The following KCNIP4 variants were observed in gnomAD, a reference collection of about 807,000 sequenced individuals.
The protein encoded by KCNIP4 is potassium voltage-gated channel interacting protein 4.
A neutral mutation model predicts 34.0 loss-of-function variants in KCNIP4; 12 were observed. The observed-to-expected ratio is 0.35, with a 90% CI of 0.23 to 0.57. The LOEUF (loss-of-function observed/expected upper bound fraction) is 0.57, where lower values mean the gene tolerates loss of function less well. Among genes scored for constraint, KCNIP4 ranks in the 20% least tolerant of loss-of-function variants. KCNIP4 has a pLI of 0.83. For missense variants in KCNIP4, 238 were observed against 311.7 expected (o/e 0.76, Z 1.78); for synonymous variants, 124 against 102.2 (o/e 1.21, Z -1.29).
chr4:20,864,119 C>CATGTATGCATACACATGT (rs1414506824), intron 2 of KCNIP4, among the ~76,000 whole-genome samples: 2 of 135,286 alleles, frequency 1.5e-5, no homozygotes, highest in African/African-American at 5.1e-5. Context: ...TATACATATC[C>CATGTATGCATACACATGT]ATGTATACAC....
intron 1 of KCNIP4, among the ~76,000 whole-genome samples, chr4:21,673,522 G>A (rs1188110431): frequency 4.0e-5 from 6 of 151,760 alleles, no homozygotes; most frequent in Non-Finnish European, 7.4e-5. Context: ...TTTTAGAATG[G>A]CATATTTAAA....
chr4:21,757,235 GAAAGAAAGAAAGAAAAGAAAAGAAAAGA>G (rs1427187238), intron 1 of KCNIP4, among the ~76,000 whole-genome samples: 5 of 28,456 alleles, frequency 1.8e-4, no homozygotes, highest in South Asian at 8.3e-4. Flanking sequence ...AAGAAAGAAA[GAAAGAAAGAAAGAAAAGAAAAGAAAAGA>G]AAAGAAAAGA....
intron 1 of KCNIP4, among the ~76,000 whole-genome samples, chr4:21,782,270 C>T (rs796768509): frequency 6.6e-6 from 1 of 151,824 alleles, no homozygotes; most frequent in African/African-American, 2.4e-5. Context: ...ACATGCCATA[C>T]AAACAATGAT....
chr4:20,766,595 G>C (rs1357874685), intron 3 of KCNIP4, among the ~76,000 whole-genome samples: 1 of 151,996 alleles, frequency 6.6e-6, no homozygotes, highest in Admixed American at 6.6e-5. Context: ...CAAACATAAA[G>C]CAACTTTAGA....
chr4:21,319,404 C>A (rs1348033500), intron 1 of KCNIP4, among the ~76,000 whole-genome samples: 1 of 152,172 alleles, frequency 6.6e-6, no homozygotes, highest in Non-Finnish European at 1.5e-5. Flanking sequence ...ACTAGTTTTC[C>A]CCTTATGTCT....
intron 1 of KCNIP4, among the ~76,000 whole-genome samples, chr4:21,548,277 G>C (rs10516393): frequency 0.36 from 54,537 of 151,738 alleles, 10,119 homozygotes; most frequent in South Asian, 0.52. Context: ...TCAACTTGTA[G>C]TACATTTAAT....
intron 1 of KCNIP4, among the ~76,000 whole-genome samples, chr4:21,658,496 A>G (rs1386670093): frequency 6.6e-6 from 1 of 151,880 alleles, no homozygotes; most frequent in East Asian, 1.9e-4. Context: ...GCTCACTGCA[A>G]CCTCCACCTC....
intron 3 of KCNIP4, among the ~76,000 whole-genome samples, chr4:20,796,565 C>G (rs1713491604): frequency 1.3e-5 from 2 of 150,098 alleles, no homozygotes; most frequent in East Asian, 4.0e-4. Context: ...GCTCATTTAT[C>G]TATACATGCC....
intron 1 of KCNIP4, among the ~76,000 whole-genome samples, chr4:20,885,584 C>T (rs576884774): frequency 2.6e-5 from 4 of 151,980 alleles, no homozygotes; most frequent in East Asian, 1.9e-4. Flanking sequence ...AATAAAACTC[C>T]GGGTCTCTTG....
intron 1 of KCNIP4, among the ~76,000 whole-genome samples, chr4:21,180,861 A>G (rs1754789348): frequency 6.6e-6 from 1 of 152,160 alleles, no homozygotes; most frequent in South Asian, 2.1e-4. Flanking sequence ...CACTATGATT[A>G]TGAAGTGATT....
intron 1 of KCNIP4, among the ~76,000 whole-genome samples, chr4:21,103,287 T>C (rs1298836358): frequency 4.1e-5 from 6 of 147,252 alleles, no homozygotes; most frequent in Non-Finnish European, 8.9e-5. Context: ...GATAATTACA[T>C]GACATTATAT....
chr4:21,412,191 C>A (rs1243998807), intron 1 of KCNIP4, among the ~76,000 whole-genome samples: 2 of 152,154 alleles, frequency 1.3e-5, no homozygotes, highest in Admixed American at 6.5e-5. Context: ...TCTTTGACAG[C>A]TGCTTATCAT....
chr4:21,621,612 C>A (rs1745002536), intron 1 of KCNIP4, among the ~76,000 whole-genome samples: 1 of 152,078 alleles, frequency 6.6e-6, no homozygotes, highest in South Asian at 2.1e-4. Flanking sequence ...CCCACCTTAG[C>A]CTCCCAAAGT....
At chr4:20,749,170 A>AAG (rs1753106881) in intron 5 of KCNIP4, among the ~76,000 whole-genome samples, 1 of 147,550 alleles carries the variant, frequency 6.8e-6, no homozygotes, top group South Asian at 2.1e-4. Context: ...AAAAAAAAAA[A>AAG]AATACGTTCT....
chr4:20,741,932 C>T (rs1219092840), intron 5 of KCNIP4, among the ~76,000 whole-genome samples: 3 of 152,164 alleles, frequency 2.0e-5, no homozygotes, highest in Non-Finnish European at 2.9e-5. Flanking sequence ...TCAGAGAATA[C>T]GATGAACACC....
chr4:21,595,633 CTCT>C (rs1464139356), intron 1 of KCNIP4, among the ~76,000 whole-genome samples: 1 of 152,038 alleles, frequency 6.6e-6, no homozygotes, highest in Non-Finnish European at 1.5e-5. Flanking sequence ...CCTATTTCTC[CTCT>C]TCTTCTCCAG....
intron 1 of KCNIP4, among the ~76,000 whole-genome samples, chr4:21,921,475 A>T (rs1397763978): frequency 6.6e-6 from 1 of 152,148 alleles, no homozygotes; most frequent in Non-Finnish European, 1.5e-5. Context: ...AATATATCCA[A>T]TTCCCTAGTT....
chr4:21,328,985 G>A lies in KCNIP4; in HGVS notation c.62-446276C>T, dbSNP rs553105027. ...ATTCAGGGCAGTGGGCTCTAGCCCA[G>A]TGCATGTTCAGAAATGAAAAAACTG... On this transcript the variant is annotated intron_variant, in intron 1 of 8. Coordinates refer to ENST00000382152, the MANE Select transcript of KCNIP4 (RefSeq NM_025221.6). 3.9e-5 allele frequency among the ~76,000 whole-genome samples: 6 copies of A among 152,356 alleles called. No individual in the cohort carries two copies. The East Asian group carries it at 1.2e-3, about 29-fold the overall frequency.
chr4:21,873,107 G>A (rs1427530750), intron 1 of KCNIP4, among the ~76,000 whole-genome samples: 1 of 152,170 alleles, frequency 6.6e-6, no homozygotes, highest in East Asian at 1.9e-4. Flanking sequence ...ACTTTTCAAA[G>A]TATGACAGAA....
Sources: gnomAD v4.1 joint callset for allele counts (sites outside exome capture counted in the v4.1 genomes callset) on GRCh38, gnomAD v4.1.1 for gene constraint, MANE v1.5 for transcripts, NCBI Gene and HGNC (gene_info 2026-07-23, HGNC 2026-07-21) for gene names.